Variants in PRKAR2B observed in about 807,000 individuals in gnomAD.
PRKAR2B encodes cAMP-dependent protein kinase type II-beta regulatory subunit.
PRKAR2B carries 14 observed loss-of-function variants against 49.9 expected under a neutral mutation model. That is an observed-to-expected ratio of 0.28 (90% CI 0.19 to 0.44). The LOEUF (loss-of-function observed/expected upper bound fraction) is 0.44, where lower values mean the gene tolerates loss of function less well. Ranked by LOEUF, PRKAR2B falls within the 20% of genes least tolerant of loss-of-function variation. The pLI is 1.00. For missense variants in PRKAR2B, 393 were observed against 537.9 expected, an observed-to-expected ratio of 0.73 and a Z score of 2.67; for synonymous variants, 196 against 197.7, an observed-to-expected ratio of 0.99 and a Z score of 0.07.
intron 4 of PRKAR2B, among the ~76,000 whole-genome samples, chr7:107,135,422 A>G (rs1795680797): frequency 1.3e-5 from 2 of 152,210 alleles, no homozygotes; most frequent in Non-Finnish European, 2.9e-5. Flanking sequence ...AGTAAAATGT[A>G]TTGAGAAGGA....
At chr7:107,099,978 GT>G (rs1240152153) in intron 2 of PRKAR2B, among the ~76,000 whole-genome samples, 1 of 151,990 alleles carries the variant, frequency 6.6e-6, no homozygotes, top group African/African-American at 2.4e-5. Flanking sequence ...TTTTGTTGTT[GT>G]TGTTGTTGAG....
At chr7:107,092,958 G>A (rs1249047566) in intron 2 of PRKAR2B, among the ~76,000 whole-genome samples, 3 of 152,306 alleles carry the variant, frequency 2.0e-5, no homozygotes, top group Admixed American at 1.3e-4. Flanking sequence ...CCTCATAGAT[G>A]AGGACTCATG....
At position 107,116,494 on chromosome 7, in the gene PRKAR2B, A is replaced by G. The variant is rs1470244811; in HGVS notation, c.344-5458A>G. On this transcript the variant is annotated intron_variant, in intron 2 of 10. Coordinates refer to ENST00000265717, the MANE Select transcript of PRKAR2B (RefSeq NM_002736.3). Reference sequence around the variant, plus strand: ...ATATTGAAAGTAATATAAAATGTGTAGGCAAAACAAGTTACACATTATATA... The same window carrying G: ...ATATTGAAAGTAATATAAAATGTGTGGGCAAAACAAGTTACACATTATATA... 2.6e-5 allele frequency among the ~76,000 whole-genome samples: 4 copies of G among 152,228 alleles called. 1 individual carries two copies. The highest frequency in any genetic ancestry group is 5.9e-5 in the Non-Finnish European group (4 of 68,040).
chr7:107,140,813 C>T, intron 4 of PRKAR2B, 34 bp from the exon 5 acceptor site: 1 of 1,470,768 alleles, frequency 6.8e-7, no homozygotes, highest in Non-Finnish European at 9.4e-7. Context: ...TCTAGATAAA[C>T]ATAAAGATTA....
intron 3 of PRKAR2B, among the ~76,000 whole-genome samples, chr7:107,126,646 C>T (rs1401132588): frequency 6.6e-6 from 1 of 152,074 alleles, no homozygotes; most frequent in Non-Finnish European, 1.5e-5. Flanking sequence ...AGGCAGACAT[C>T]TCGGTTGCTT....
At chr7:107,109,894 C>T (rs1334771501) in intron 2 of PRKAR2B, among the ~76,000 whole-genome samples, 1 of 152,150 alleles carries the variant, frequency 6.6e-6, no homozygotes, top group South Asian at 2.1e-4. Flanking sequence ...TCCTCCCCCA[C>T]CCCACGGAAG....
chr7:107,070,397 A>G (rs1794242116), intron 2 of PRKAR2B, 81 bp downstream of exon 2: 1 of 1,239,470 alleles, frequency 8.1e-7, no homozygotes. Flanking sequence ...AGGTACAAAG[A>G]ATAATTGCTG....
chr7:107,159,317 C>T, intron 10 of PRKAR2B, 132 bp from the exon 11 acceptor site: 1 of 962,912 alleles, frequency 1.0e-6, no homozygotes, highest in South Asian at 1.8e-5. Flanking sequence ...TATGCTTTTT[C>T]TTGTATTTTA....
At chr7:107,094,359 A>AT (rs1281995570) in intron 2 of PRKAR2B, among the ~76,000 whole-genome samples, 5 of 151,456 alleles carry the variant, frequency 3.3e-5, no homozygotes, top group Non-Finnish European at 7.4e-5. Context: ...GGGTTTTTTG[A>AT]TTTTTTCTTG....
At chr7:107,109,929 A>G (rs1256973706) in intron 2 of PRKAR2B, among the ~76,000 whole-genome samples, 1 of 152,196 alleles carries the variant, frequency 6.6e-6, no homozygotes, top group Non-Finnish European at 1.5e-5. Context: ...ACTATCCAAA[A>G]GAAACACCTT....
intron 3 of PRKAR2B, among the ~76,000 whole-genome samples, chr7:107,123,601 T>G (rs1421634652): frequency 6.6e-6 from 1 of 152,208 alleles, no homozygotes; most frequent in Non-Finnish European, 1.5e-5. Context: ...GCTACCCATC[T>G]CTATTACTGT....
intron 3 of PRKAR2B, among the ~76,000 whole-genome samples, chr7:107,127,789 G>A (rs186704121): frequency 2.0e-5 from 3 of 152,310 alleles, no homozygotes; most frequent in Admixed American, 2.0e-4. Flanking sequence ...TCCTGAAAGA[G>A]TATTAAACTC....
In PRKAR2B at chr7:107,130,295, C is replaced by T. The variant is rs868069108; in HGVS notation, c.480+2000C>T. 1.3e-4 allele frequency among the ~76,000 whole-genome samples: 19 copies of T among 151,464 alleles called. 1 individual carries two copies. The Middle Eastern group carries it at 0.017, about 137-fold the overall frequency. On this transcript the variant is annotated intron_variant, in intron 4 of 10. Coordinates refer to ENST00000265717, the MANE Select transcript of PRKAR2B (RefSeq NM_002736.3). Reference sequence around the variant, plus strand: ...TGGGTGGATCACGAGGTTAGGAGATCGAGCCCATCCTGGCTAACATGGTGA... The same window carrying T: ...TGGGTGGATCACGAGGTTAGGAGATTGAGCCCATCCTGGCTAACATGGTGA...
intron 5 of PRKAR2B, among the ~76,000 whole-genome samples, chr7:107,143,107 C>T (rs912866779): frequency 6.6e-6 from 1 of 152,198 alleles, no homozygotes; most frequent in African/African-American, 2.4e-5. Context: ...GTGATTTCAA[C>T]TGGACTGATA....
At chr7:107,096,617 A>G (rs1794843307) in intron 2 of PRKAR2B, among the ~76,000 whole-genome samples, 1 of 152,082 alleles carries the variant, frequency 6.6e-6, no homozygotes, top group African/African-American at 2.4e-5. Context: ...TGTCAATTTT[A>G]GATCTTTCCT....
At chr7:107,086,974 A>G (rs1329571261) in intron 2 of PRKAR2B, among the ~76,000 whole-genome samples, 1 of 152,212 alleles carries the variant, frequency 6.6e-6, no homozygotes. Flanking sequence ...TTTTAAGATT[A>G]TGTATACTTC....
intron 5 of PRKAR2B, among the ~76,000 whole-genome samples, chr7:107,144,353 T>C (rs1389167751): frequency 6.6e-6 from 1 of 152,146 alleles, no homozygotes; most frequent in Non-Finnish European, 1.5e-5. Context: ...CCTAAAGTTC[T>C]GGGATTACAG....
At chr7:107,117,802 G>T (rs1468890993) in intron 2 of PRKAR2B, among the ~76,000 whole-genome samples, 1 of 152,116 alleles carries the variant, frequency 6.6e-6, no homozygotes, top group African/African-American at 2.4e-5. Context: ...AGTATAGTTG[G>T]TATTTTCCTG....
At chr7:107,112,310 T>G (rs1226206227) in intron 2 of PRKAR2B, among the ~76,000 whole-genome samples, 2 of 152,042 alleles carry the variant, frequency 1.3e-5, no homozygotes, top group Non-Finnish European at 2.9e-5. Flanking sequence ...TAGTTTATAT[T>G]TCTTGTCTGT....
Sources: gnomAD v4.1 joint callset for allele counts (sites outside exome capture counted in the v4.1 genomes callset) on GRCh38, gnomAD v4.1.1 for gene constraint, MANE v1.5 for transcripts, NCBI Gene and HGNC (gene_info 2026-07-23, HGNC 2026-07-21) for gene names.